PDE7A: variants seen among roughly 807,000 people sequenced by gnomAD.
PDE7A encodes the protein high affinity 3',5'-cyclic-AMP phosphodiesterase 7A.
A neutral mutation model predicts 64.3 loss-of-function variants in PDE7A; 39 were observed. The ratio of observed to expected loss-of-function variants is 0.61; its 90% CI spans 0.47 to 0.79. The LOEUF (loss-of-function observed/expected upper bound fraction) is 0.79, where lower values mean the gene tolerates loss of function less well. Among genes scored for constraint, PDE7A ranks in the 30% least tolerant of loss-of-function variants. PDE7A has a pLI of 0.00. For synonymous variants in PDE7A, 203 were observed against 206.8 expected (o/e 0.98, Z 0.16); for missense variants, 470 against 582.8 (o/e 0.81, Z 1.99).
intron 9 of PDE7A, chr8:65,725,450 G>GGT (rs1346970613): frequency 6.5e-6 from 1 of 154,250 alleles, no homozygotes; most frequent in Non-Finnish European, 1.5e-5. Flanking sequence ...GTGTTTTCAA[G>GGT]GTTAAACTCA....
rs541860747 is a variant in PDE7A, at chr8:65,718,171, C to G, written c.*1119G>C. On this transcript the variant is annotated 3_prime_UTR_variant, in exon 13 of 13. Coordinates refer to ENST00000401827, the MANE Select transcript of PDE7A (RefSeq NM_001242318.3). ...CTTACCTACCAACCTTCCCCTCCCC[C>G]GAGTGTGGCTGCTCATTATGTCACA... The G allele has an allele frequency of 6.6e-6, 1 of 152,168 alleles. No individual in the cohort carries two copies. The highest frequency in any genetic ancestry group is 6.6e-5 in the Admixed American group (1 of 15,264). 9.4% of individuals were successfully genotyped at this position (152,168 alleles called of 1,614,324 possible). A position where few individuals can be genotyped will look rare whatever the true frequency, so the allele number is the denominator to read the frequency against.
Position 65,723,715 on chromosome 8 carries a change from A to T in PDE7A, c.1163-94T>A, listed in dbSNP as rs944021818. 6 of 849,912 alleles carry T rather than the reference A, an allele frequency of 7.1e-6. No homozygotes were observed. The African/African-American group carries it at 1.1e-4, about 15-fold the overall frequency. The allele number at this position is 849,912 out of a possible 1,614,324, so 52.6% of individuals were successfully genotyped here. ...TGAACATACCTGTGCATTTCTTAGG[A>T]AAAACATACTTAATCCTCATGAGAG... On this transcript the variant is annotated intron_variant, in intron 11 of 12. Coordinates refer to ENST00000401827, the MANE Select transcript of PDE7A (RefSeq NM_001242318.3).
At chr8:65,769,235 A>G in intron 3 of PDE7A, among the ~76,000 whole-genome samples, 1 of 144,040 alleles carries the variant, frequency 6.9e-6, no homozygotes, top group Non-Finnish European at 1.5e-5. Context: ...GTGACAGAGC[A>G]AGACTCAGTC....
intron 1 of PDE7A, among the ~76,000 whole-genome samples, chr8:65,807,687 T>G (rs79039766): frequency 0.042 from 6,438 of 152,260 alleles, 462 homozygotes; most frequent in African/African-American, 0.14. Context: ...CTTTATCAGG[T>G]TGAGGAAGTT....
chr8:65,812,204 C>CA (rs1810273473), intron 1 of PDE7A, among the ~76,000 whole-genome samples: 1 of 113,550 alleles, frequency 8.8e-6, no homozygotes, highest in Admixed American at 9.4e-5. Flanking sequence ...GAGACCGTTT[C>CA]AAAAACAGAA....
intron 3 of PDE7A, among the ~76,000 whole-genome samples, chr8:65,751,931 G>A (rs1807988040): frequency 6.6e-6 from 1 of 152,190 alleles, no homozygotes; most frequent in Admixed American, 6.5e-5. Context: ...TCAGTGCATA[G>A]ACACCTTCCC....
intron 1 of PDE7A, among the ~76,000 whole-genome samples, chr8:65,795,955 AAG>A (rs1554568359): frequency 1.3e-5 from 2 of 152,100 alleles, no homozygotes; most frequent in South Asian, 2.1e-4. Context: ...AATGAAAAAA[AAG>A]AAACTAAAAA....
intron 1 of PDE7A, among the ~76,000 whole-genome samples, chr8:65,819,224 T>G (rs540013303): frequency 6.6e-6 from 1 of 152,212 alleles, no homozygotes; most frequent in Non-Finnish European, 1.5e-5. Context: ...TGAGACACTG[T>G]CTCTACAAAA....
rs531531094 is a variant in PDE7A at position 65,835,543 on chromosome 8, C to A, written c.138+5828G>T. ...TCTTCTTTTCCCAAACTTGCCCCTA[C>A]ATTCATCCTCAGAAAACAACACAAT... On this transcript the variant is annotated intron_variant, in intron 1 of 12. Coordinates refer to ENST00000401827, the MANE Select transcript of PDE7A (RefSeq NM_001242318.3). Among the ~76,000 whole-genome samples, 38 of 152,294 alleles carry A rather than the reference C, an allele frequency of 2.5e-4. 1 individual carries two copies. The South Asian group carries it at 7.9e-3, about 32-fold the overall frequency.
intron 3 of PDE7A, among the ~76,000 whole-genome samples, chr8:65,778,296 T>G (rs947953598): frequency 6.6e-6 from 1 of 152,132 alleles, no homozygotes; most frequent in African/African-American, 2.4e-5. Context: ...ATGTAATTAG[T>G]CCAACTACCC....
At chr8:65,815,731 A>G (rs1810385240) in intron 1 of PDE7A, among the ~76,000 whole-genome samples, 2 of 126,634 alleles carry the variant, frequency 1.6e-5, no homozygotes, top group Non-Finnish European at 3.2e-5. Context: ...AATGGATTTT[A>G]ATGTAACAGT....
At chr8:65,750,506 G>GTC (rs1303840719) in intron 3 of PDE7A, among the ~76,000 whole-genome samples, 1 of 151,292 alleles carries the variant, frequency 6.6e-6, no homozygotes, top group Non-Finnish European at 1.5e-5. Context: ...GTGTGTGTCT[G>GTC]TGTGTGTCTG....
At chr8:65,813,577 GTTTAT>G (rs1810306939) in intron 1 of PDE7A, among the ~76,000 whole-genome samples, 2 of 152,104 alleles carry the variant, frequency 1.3e-5, no homozygotes, top group South Asian at 2.1e-4. Flanking sequence ...ATAAAAACAA[GTTTAT>G]TTTATATTTG....
Position 65,715,996 on chromosome 8 carries a change from CAAAAAAAAA to C in PDE7A, c.*3285_*3293del, listed in dbSNP as rs779701295. On this transcript the variant is annotated 3_prime_UTR_variant, in exon 13 of 13. Coordinates refer to ENST00000401827, the MANE Select transcript of PDE7A (RefSeq NM_001242318.3). ...TGGGCGACAGAGCAAGGCTCTGTCT[CAAAAAAAAA>C]AAAAAAAAAAAAAAAAAAAATTAGC... Among the ~76,000 whole-genome samples the C allele has an allele frequency of 8.0e-4, 27 of 33,860 alleles. No individual in the cohort carries two copies. The highest frequency in any genetic ancestry group is 4.6e-3 in the South Asian group (2 of 432). The allele number at this position is 33,860 out of a possible 152,430, so 22.2% of individuals were successfully genotyped here.
intron 3 of PDE7A, among the ~76,000 whole-genome samples, chr8:65,772,144 A>G (rs1430028577): frequency 6.6e-6 from 1 of 152,222 alleles, no homozygotes; most frequent in Non-Finnish European, 1.5e-5. Flanking sequence ...CAACAGGGAA[A>G]TTAACAGTGA....
intron 7 of PDE7A, 82 bp downstream of exon 7, chr8:65,734,712 G>GTAA (rs1164756495): frequency 5.2e-6 from 4 of 774,352 alleles, no homozygotes; most frequent in African/African-American, 5.1e-5. Context: ...AGTCAAAGCA[G>GTAA]TAACTTCAGG....
Position 65,841,912 on chromosome 8 carries a change from G to C in PDE7A, c.-404C>G, listed in dbSNP as rs1811103052. The stretch of plus-strand genomic sequence containing the variant: ...AGCAGTGCAAGAAAAGACAGCTGGA[G>C]CCAGCGGCCAGACCCAGGGCGCGCG... On this transcript the variant is annotated 5_prime_UTR_variant, in exon 1 of 13. Transcript: ENST00000401827. 4.7e-6 allele frequency: 1 copy of C among 214,828 alleles called. No individual in the cohort carries two copies. The highest frequency in any genetic ancestry group is 2.4e-5 in the African/African-American group (1 of 41,666). The allele number at this position is 214,828 out of a possible 1,614,324, so 13.3% of individuals were successfully genotyped here.
At position 65,724,323 on chromosome 8, in the gene PDE7A, T is replaced by G; in HGVS notation, c.1094A>C (p.Asn365Thr). 6.2e-7 allele frequency: 1 copy of G among 1,612,510 alleles called. No individual in the cohort carries two copies. Residue 365 changes from asparagine to threonine, a missense_variant, in exon 11 of 13, where the codon AAC becomes ACC. Asn to Thr is a moderately conservative substitution (Grantham distance 65). Coordinates refer to ENST00000401827, the MANE Select transcript of PDE7A (RefSeq NM_001242318.3). ...GCTTAATTCCCACGTCCGACATGGG[T>G]TACAAATATCAGCACATTTCAAAGC... ...QMALKCADIC[N>T]PCRTWELSKQ...
chr8:65,792,585 A>C (rs958274400), intron 1 of PDE7A, among the ~76,000 whole-genome samples: 6 of 152,254 alleles, frequency 3.9e-5, no homozygotes, highest in Non-Finnish European at 8.8e-5. Context: ...TCCCATGGAC[A>C]GAAATAGTCT....
Sources: allele counts gnomAD v4.1 joint callset (sites outside exome capture counted in the v4.1 genomes callset), GRCh38; gene constraint gnomAD v4.1.1; transcripts MANE v1.5; gene names NCBI Gene and HGNC (gene_info 2026-07-23, HGNC 2026-07-21).